The following F2RL1 variants were observed in gnomAD, a reference collection of about 807,000 sequenced individuals.
F2RL1 encodes F2R like trypsin receptor 1, also known as proteinase-activated receptor 2.
Under a neutral mutation model 21.7 loss-of-function variants are expected in F2RL1, and 16 were observed. That is an observed-to-expected ratio of 0.74 (90% confidence interval 0.50 to 1.12). The LOEUF (loss-of-function observed/expected upper bound fraction) is 1.12, where lower values mean the gene tolerates loss of function less well. F2RL1 is among the 50% of genes most tolerant of loss of function. The pLI, the probability that F2RL1 is intolerant of heterozygous loss-of-function variation, is 0.00. For synonymous variants in F2RL1, 181 were observed against 186.7 expected (o/e 0.97, Z 0.25); for missense variants, 432 against 477.8 (o/e 0.90, Z 0.89).
At chr5:76,828,706 C>A (rs1051174821) in intron 1 of F2RL1, among the ~76,000 whole-genome samples, 2 of 151,654 alleles carry the variant, frequency 1.3e-5, no homozygotes. Flanking sequence ...GTTGGCCAGG[C>A]TGGTCTCAAA....
chr5:76,830,755 C>A (rs1203676498), intron 1 of F2RL1, among the ~76,000 whole-genome samples: 1 of 152,208 alleles, frequency 6.6e-6, no homozygotes, highest in Admixed American at 6.5e-5. Flanking sequence ...CACCTTTCAA[C>A]CCACTACACT....
intron 1 of F2RL1, among the ~76,000 whole-genome samples, chr5:76,821,172 G>A (rs1277629784): frequency 6.6e-6 from 1 of 152,170 alleles, no homozygotes; most frequent in Non-Finnish European, 1.5e-5. Context: ...CAGGGTACAG[G>A]TGAAGGACAC....
At chr5:76,820,865 C>A (rs1329699934) in intron 1 of F2RL1, among the ~76,000 whole-genome samples, 1 of 152,200 alleles carries the variant, frequency 6.6e-6, no homozygotes, top group East Asian at 1.9e-4. Flanking sequence ...CCCCACCATA[C>A]TTTTATTCCC....
intron 1 of F2RL1, among the ~76,000 whole-genome samples, chr5:76,823,370 G>GTTTT (rs70982642): frequency 4.8e-5 from 6 of 125,976 alleles, no homozygotes; most frequent in South Asian, 2.6e-4. Context: ...TGGTTGGTTG[G>GTTTT]TTTTTTTTTT....
rs1220668965 is a variant in F2RL1, at chr5:76,833,575, A to G, written c.968A>G (p.Tyr323Cys). The change falls in exon 2 of 2, where the codon TAT (tyrosine) becomes TGT (cysteine). Residue 323 changes from tyrosine to cysteine, a missense_variant. Physicochemically the swap from Tyr to Cys is radical, Grantham distance 194. Coordinates refer to ENST00000296677, the MANE Select transcript of F2RL1 (RefSeq NM_005242.6). ...LIKSQGQSHVYALYIVALCLS... is the reference protein window; with the variant it reads ...LIKSQGQSHVCALYIVALCLS... ...AAGAGCCAGGGCCAGAGCCATGTCT[A>G]TGCCCTGTACATTGTAGCCCTCTGC... The G allele has an allele frequency of 6.2e-7, 1 of 1,613,738 alleles. No individual in the cohort carries two copies. Among genetic ancestry groups the G allele is most frequent in the Non-Finnish European group, 8.5e-7 (1 of 1,179,948 alleles).
rs1394447768 is a variant in F2RL1 at position 76,832,921 on chromosome 5, AG to A, written c.315del (p.Lys106ArgfsTer6). 6.2e-7 allele frequency: 1 copy of A among 1,614,174 alleles called. No individual in the cohort carries two copies. Among genetic ancestry groups the A allele is most frequent in the Non-Finnish European group, 8.5e-7 (1 of 1,180,036 alleles). On this transcript the variant is annotated frameshift_variant, in exon 2 of 2. Coordinates refer to ENST00000296677, the MANE Select transcript of F2RL1 (RefSeq NM_005242.6). LOFTEE classifies it high-confidence loss of function. ...MALWVFLFRT[K>X]KKHPAVIYMA... ...CTGTGGGTCTTTCTTTTCCGAACTA[AG>A]AAGAAGCACCCTGCTGTGATTTACA...
chr5:76,832,185 A>G (rs1347973149), intron 1 of F2RL1, among the ~76,000 whole-genome samples: 2 of 152,192 alleles, frequency 1.3e-5, no homozygotes, highest in Non-Finnish European at 2.9e-5. Flanking sequence ...TCACTGTAAG[A>G]AAAAAACCCA....
Position 76,833,935 on chromosome 5 carries a change from C to T in F2RL1, c.*134C>T. 2 of 906,586 alleles carry T rather than the reference C, an allele frequency of 2.2e-6. No individual in the cohort carries two copies. The highest frequency in any genetic ancestry group is 3.3e-6 in the Non-Finnish European group (2 of 602,512). The allele number at this position is 906,586 out of a possible 1,614,324, so 56.2% of individuals were successfully genotyped here. A position where few individuals can be genotyped will look rare whatever the true frequency, so the allele number is the denominator to read the frequency against. On this transcript the variant is annotated 3_prime_UTR_variant, in exon 2 of 2. Coordinates refer to ENST00000296677, the MANE Select transcript of F2RL1 (RefSeq NM_005242.6). ...GTGGATGCAGCACCTCTCAGGATTG[C>T]TAGGAGCTCCCCTGTTTGCATGAGA...
intron 1 of F2RL1, among the ~76,000 whole-genome samples, chr5:76,830,436 C>A (rs1015097720): frequency 9.9e-5 from 15 of 152,144 alleles, no homozygotes; most frequent in Non-Finnish European, 2.9e-5. Flanking sequence ...TGCCACCACG[C>A]CCGGCTAATT....
chr5:76,819,086 A>G lies in F2RL1; in HGVS notation c.-97A>G. 1 of 1,009,310 alleles carries G rather than the reference A, an allele frequency of 9.9e-7. No individual in the cohort carries two copies. The highest frequency in any genetic ancestry group is 1.5e-6 in the Non-Finnish European group (1 of 689,200). 62.5% of individuals were successfully genotyped at this position (1,009,310 alleles called of 1,614,324 possible). A position where few individuals can be genotyped will look rare whatever the true frequency, so the allele number is the denominator to read the frequency against. On this transcript the variant is annotated 5_prime_UTR_variant, in exon 1 of 2. Transcript: ENST00000296677. ...CAGAGGCTCCGATTCGGGGCAGGTGAGAGGCTGACTTTCTCTCGGTGCGTC... is the reference window on the plus strand; with the variant it reads ...CAGAGGCTCCGATTCGGGGCAGGTGGGAGGCTGACTTTCTCTCGGTGCGTC...
intron 1 of F2RL1, among the ~76,000 whole-genome samples, chr5:76,827,435 C>CT (rs1229194091): frequency 6.7e-6 from 1 of 148,740 alleles, no homozygotes; most frequent in African/African-American, 2.5e-5. Context: ...GGAGGCGGAG[C>CT]TTGCGGTGAG....
chr5:76,829,800 A>G (rs774810560), intron 1 of F2RL1, among the ~76,000 whole-genome samples: 15 of 152,208 alleles, frequency 9.9e-5, no homozygotes, highest in Non-Finnish European at 1.6e-4. Context: ...TTTTTCCACC[A>G]TGGATATGTG....
At chr5:76,829,463 T>C (rs1050991281) in intron 1 of F2RL1, among the ~76,000 whole-genome samples, 4 of 152,160 alleles carry the variant, frequency 2.6e-5, no homozygotes, top group Non-Finnish European at 4.4e-5. Context: ...CCTGTAGCAG[T>C]TCCCAGAGTC....
chr5:76,824,539 C>G (rs778800793), intron 1 of F2RL1, among the ~76,000 whole-genome samples: 7 of 151,380 alleles, frequency 4.6e-5, no homozygotes, highest in African/African-American at 1.2e-4. Flanking sequence ...ATGTTGGCCA[C>G]GCTGATCTCA....
intron 1 of F2RL1, among the ~76,000 whole-genome samples, chr5:76,827,686 G>A (rs555959489): frequency 6.9e-5 from 9 of 130,470 alleles, no homozygotes; most frequent in Non-Finnish European, 9.2e-5. Context: ...TGCAACCTCC[G>A]CCTCCCAAGT....
At chr5:76,829,260 C>T (rs1750304185) in intron 1 of F2RL1, among the ~76,000 whole-genome samples, 2 of 143,262 alleles carry the variant, frequency 1.4e-5, no homozygotes, top group Non-Finnish European at 3.0e-5. Context: ...TCTTCTTCTT[C>T]TTCTTTTTTT....
At chr5:76,822,082 T>G (rs1750146213) in intron 1 of F2RL1, among the ~76,000 whole-genome samples, 1 of 152,182 alleles carries the variant, frequency 6.6e-6, no homozygotes, top group Non-Finnish European at 1.5e-5. Context: ...GAAAATATGT[T>G]TGTGCAAGTA....
Position 76,819,134 on chromosome 5 carries a change from T to TCGG in F2RL1, c.-39_-37dup. ...GTCCAGTGGAGCTCTGAGTTTCGAA[T>TCGG]CGGCGGCGGCGGATTCCCCGCGCGC... On this transcript the variant is annotated 5_prime_UTR_variant, in exon 1 of 2. Transcript: ENST00000296677. The TCGG allele has an allele frequency of 6.8e-7, 1 of 1,480,266 alleles. No individual in the cohort carries two copies. The highest frequency in any genetic ancestry group is 9.1e-7 in the Non-Finnish European group (1 of 1,094,178). The allele number at this position is 1,480,266 out of a possible 1,614,324, so 91.7% of individuals were successfully genotyped here.
At position 76,819,226 on chromosome 5, in the gene F2RL1, T is replaced by G; in HGVS notation, c.44T>G (p.Leu15Arg). 6.3e-7 allele frequency: 1 copy of G among 1,591,714 alleles called. No individual in the cohort carries two copies. Among genetic ancestry groups the G allele is most frequent in the Non-Finnish European group, 8.5e-7 (1 of 1,177,680 alleles). ...SAAWLLGAAI[L>R]LAASLSCSGT... ...GCGTGGCTGCTGGGGGCCGCCATCC[T>G]GCTAGCAGCCTCTCTCTCCTGCAGT... The change falls in exon 1 of 2, where the codon CTG (leucine) becomes CGG (arginine). Residue 15 changes from leucine (L) to arginine (R), a missense_variant. Physicochemically the swap from Leu to Arg is moderately radical, Grantham distance 102. Transcript: ENST00000296677.
Sources: allele counts gnomAD v4.1 joint callset (sites outside exome capture counted in the v4.1 genomes callset), GRCh38; gene constraint gnomAD v4.1.1; transcripts MANE v1.5; gene names NCBI Gene and HGNC (gene_info 2026-07-23, HGNC 2026-07-21).